BSX: variants seen among roughly 807,000 people sequenced by gnomAD.
The protein encoded by BSX is brain specific homeobox.
A neutral mutation model predicts 16.9 loss-of-function variants in BSX; 12 were observed. The ratio of observed to expected loss-of-function variants is 0.71; its 90% CI spans 0.46 to 1.15. The LOEUF (loss-of-function observed/expected upper bound fraction) is 1.15, where lower values mean the gene tolerates loss of function less well. Among genes scored for constraint, BSX ranks in the 50% most tolerant of loss-of-function variants. BSX has a pLI of 0.00. For missense variants in BSX, 292 were observed against 311.8 expected, an observed-to-expected ratio of 0.94 and a Z score of 0.48; for synonymous variants, 160 against 136.4, an observed-to-expected ratio of 1.17 and a Z score of -1.20.
In BSX at chr11:122,977,867, G is replaced by A. The variant is rs1357349355; in HGVS notation, c.484C>T (p.Arg162Trp). 2 of 1,613,618 alleles carry A rather than the reference G, an allele frequency of 1.2e-6. No individual in the cohort carries two copies. The highest frequency in any genetic ancestry group is 2.7e-5 in the African/African-American group (2 of 74,892). The change falls in exon 3 of 3, where the codon CGG (arginine) becomes TGG (tryptophan). Residue 162 changes from arginine to tryptophan, a missense_variant. By Grantham distance (101) the Arg-to-Trp change is moderately radical (BLOSUM62 -3). This residue lies in a region of BSX where 9 missense variants were observed against 27.5 expected (regional missense o/e 0.33). Coordinates refer to ENST00000343035, the MANE Select transcript of BSX (RefSeq NM_001098169.2). The surrounding 1 kb of genome is among the most constrained non-coding windows in gnomAD (Gnocchi z 4.5). ...CGCAGTTGCTTTTTATGCTTCATCC[G>A]CCGGTTCTGGAACCACGTTTTCACC... ...TQVKTWFQNR[R>W]MKHKKQLRKS...
Position 122,981,561 on chromosome 11 carries a change from G to A in BSX, c.111C>T (p.Ala37=). ...CCAGAGAGCTGGCGAAATGGTCTGG[G>A]GCCACCTCTCTCAGCGGCTTGGGCT... is the stretch of plus-strand genomic sequence containing the variant. ...LHKPKPLREV[A]PDHFASSLAS... is the part of the protein sequence containing the mutation. Residue 37 remains alanine (A), a synonymous_variant, in exon 1 of 3, where the codon GCC becomes GCT. Transcript: ENST00000343035. 6.2e-7 allele frequency: 1 copy of A among 1,600,520 alleles called. No individual in the cohort carries two copies. The highest frequency in any genetic ancestry group is 8.5e-7 in the Non-Finnish European group (1 of 1,173,668).
intron 2 of BSX, 140 bp downstream of exon 2, chr11:122,979,121 C>G (rs1864536964): frequency 1.1e-6 from 1 of 885,266 alleles, no homozygotes; most frequent in Non-Finnish European, 1.7e-6. Context: ...GGTAATTTTA[C>G]GAAAGCTCTT....
Position 122,977,933 on chromosome 11 carries a change from A to G in BSX, c.460-42T>C, listed in dbSNP as rs1181803777. ...AAAAATAAAATCATGTCATTCCTCC[A>G]AATCTGAGCCATCGCTGGGGTTTAG... On this transcript the variant is annotated intron_variant, in intron 2 of 2. Transcript: ENST00000343035. The surrounding 1 kb of genome is among the most constrained non-coding windows in gnomAD (Gnocchi z 4.5). 1.2e-6 allele frequency: 2 copies of G among 1,607,910 alleles called. No individual in the cohort carries two copies. The highest frequency in any genetic ancestry group is 1.7e-6 in the Non-Finnish European group (2 of 1,179,668).
intron 1 of BSX, among the ~76,000 whole-genome samples, 163 bp downstream of exon 1, chr11:122,981,247 A>G (rs1864564872): frequency 6.6e-6 from 1 of 152,198 alleles, no homozygotes; most frequent in Admixed American, 6.5e-5. Flanking sequence ...GGAGCTCTGC[A>G]TGGCCTCAGC....
chr11:122,978,546 C>G (rs910730080), intron 2 of BSX, among the ~76,000 whole-genome samples: 3 of 152,092 alleles, frequency 2.0e-5, no homozygotes, highest in Admixed American at 6.5e-5. Context: ...GGGAAAAAAT[C>G]TCCTTGTGTG....
At chr11:122,978,521 T>A (rs1356332749) in intron 2 of BSX, among the ~76,000 whole-genome samples, 1 of 151,962 alleles carries the variant, frequency 6.6e-6, no homozygotes, top group South Asian at 2.1e-4. Context: ...GTGAGAGAGA[T>A]TGAAGTGAGA....
intron 1 of BSX, among the ~76,000 whole-genome samples, chr11:122,980,511 C>T (rs1313462802): frequency 6.6e-6 from 1 of 152,088 alleles, no homozygotes; most frequent in Non-Finnish European, 1.5e-5. Flanking sequence ...CCTGTCTTGC[C>T]CCCAGCCCCT....
Position 122,981,473 on chromosome 11 carries a change from G to A in BSX, c.199C>T (p.Pro67Ser). Residue 67 changes from proline to serine, a missense_variant, in exon 1 of 3, where the codon CCT (proline) becomes TCT (serine). Pro to Ser is a moderately conservative substitution (Grantham distance 74). Transcript: ENST00000343035. ...TTATGCAGAGGGTGATGGGCGTGAG[G>A]AGCCAAGAGGGTGGGTGTGGGCATG... ...PLMPTPTLLA[P>S]HAHHPLHKGD... The A allele has an allele frequency of 6.3e-7, 1 of 1,578,382 alleles. No homozygotes were observed.
At chr11:122,981,384 C>A in intron 1 of BSX, 26 bp downstream of exon 1, 1 of 1,497,152 alleles carries the variant, frequency 6.7e-7, no homozygotes, top group South Asian at 1.4e-5. Context: ...TCTCACTGCC[C>A]ATACCTTGAG....
Position 122,977,623 on chromosome 11 carries a change from C to A in BSX, c.*26G>T. The stretch of plus-strand genomic sequence containing the variant: ...CTCGGCCCCGCAGTCTCCTCCCCTG[C>A]CTACTACCCTCCCCAGCCTGGCGGC... On this transcript the variant is annotated 3_prime_UTR_variant, in exon 3 of 3. Transcript: ENST00000343035. This position sits in a 1 kb window ranked among gnomAD's most constrained non-coding sequence, Gnocchi z 4.5. 6.3e-7 allele frequency: 1 copy of A among 1,596,926 alleles called. No individual in the cohort carries two copies. The highest frequency in any genetic ancestry group is 8.5e-7 in the Non-Finnish European group (1 of 1,177,490).
intron 2 of BSX, among the ~76,000 whole-genome samples, 147 bp downstream of exon 2, chr11:122,979,103 CAGGTGTAGGTA>C (rs1384636848): frequency 6.6e-6 from 1 of 152,180 alleles, no homozygotes; most frequent in Non-Finnish European, 1.5e-5. Context: ...CGCGCCCGGC[CAGGTGTAGGTA>C]ATTTTACGAA....
intron 1 of BSX, among the ~76,000 whole-genome samples, chr11:122,980,957 A>G (rs561967064): frequency 5.3e-5 from 8 of 152,278 alleles, no homozygotes; most frequent in African/African-American, 1.7e-4. Context: ...CCTGGAAAAA[A>G]GAGATCTGGC....
intron 2 of BSX, 41 bp downstream of exon 2, chr11:122,979,220 G>A: frequency 1.9e-6 from 3 of 1,560,834 alleles, no homozygotes; most frequent in Non-Finnish European, 2.6e-6. Flanking sequence ...AGGCAGAGAG[G>A]AACGAAGCAG....
At position 122,981,641 on chromosome 11, in the gene BSX, G is replaced by C. The variant is rs62624971; in HGVS notation, c.31C>G (p.Pro11Ala). 18,160 of 1,595,458 alleles carry C rather than the reference G, an allele frequency of 0.011. 129 individuals carry two copies. The highest frequency in any genetic ancestry group is 0.014 in the Non-Finnish European group (16,169 of 1,171,494). Reference sequence around the variant, plus strand: ...GATGTGGGCCTCTGAGAAGACGCCGGGTGTAGAGGAGAGGTGAAGTTGAGA... The same window carrying C: ...GATGTGGGCCTCTGAGAAGACGCCGCGTGTAGAGGAGAGGTGAAGTTGAGA... MNLNFTSPLH[P>A]ASSQRPTSFF... The change falls in exon 1 of 3, where the codon CCG becomes GCG. Residue 11 changes from proline (P) to alanine (A), a missense_variant. Transcript: ENST00000343035.
At chr11:122,979,206 T>A (rs1864537884) in intron 2 of BSX, 55 bp downstream of exon 2, 1 of 1,516,612 alleles carries the variant, frequency 6.6e-7, no homozygotes, top group African/African-American at 1.4e-5. Flanking sequence ...GTATTAAGAC[T>A]TGAAGGCAGA....
chr11:122,981,387 A>G, intron 1 of BSX, 23 bp downstream of exon 1: 1 of 1,499,584 alleles, frequency 6.7e-7, no homozygotes, highest in East Asian at 2.4e-5. Context: ...CACTGCCCAT[A>G]CCTTGAGGTT....
intron 2 of BSX, 26 bp downstream of exon 2, chr11:122,979,235 C>T (rs1864538319): frequency 6.3e-7 from 1 of 1,594,948 alleles, no homozygotes; most frequent in East Asian, 2.2e-5. Context: ...AAGCAGAGAT[C>T]AGGGCCTCCC....
intron 2 of BSX, among the ~76,000 whole-genome samples, chr11:122,978,305 A>G (rs1255441618): frequency 2.6e-5 from 4 of 152,162 alleles, no homozygotes; most frequent in Admixed American, 1.3e-4. Context: ...GGCCTGGCAG[A>G]GCTAATGATT....
At position 122,981,517 on chromosome 11, in the gene BSX, A is replaced by G; in HGVS notation, c.155T>C (p.Leu52Pro). ...GGGCATGAGGGGGTAGCCATAGTCTAGCAGAGGCACCCGAGAGGCCAGAGA... is the reference window on the plus strand; with the variant it reads ...GGGCATGAGGGGGTAGCCATAGTCTGGCAGAGGCACCCGAGAGGCCAGAGA... ...ASSLASRVPLLDYGYPLMPTP... is the reference protein window; with the variant it reads ...ASSLASRVPLPDYGYPLMPTP... The change falls in exon 1 of 3, where the codon CTA becomes CCA. Residue 52 changes from leucine (L) to proline (P), a missense_variant. Transcript: ENST00000343035. The G allele has an allele frequency of 6.3e-7, 1 of 1,595,372 alleles. No homozygotes were observed.
Sources: gnomAD v4.1 joint callset for allele counts (sites outside exome capture counted in the v4.1 genomes callset) on GRCh38, gnomAD v4.1.1 for gene constraint, gnomAD v4.1.1 regional missense constraint, Gnocchi (gnomAD v3.1) non-coding constraint, MANE v1.5 for transcripts, NCBI Gene and HGNC (gene_info 2026-07-23, HGNC 2026-07-21) for gene names.